The following GRIK2 variants were observed in gnomAD, a reference collection of about 807,000 sequenced individuals.
The protein encoded by GRIK2 is glutamate receptor ionotropic, kainate 2.
Under a neutral mutation model 100.3 loss-of-function variants are expected in GRIK2, and 32 were observed. That is an observed-to-expected ratio of 0.32 (90% CI 0.24 to 0.43). The LOEUF (loss-of-function observed/expected upper bound fraction) is 0.43, where lower values mean the gene tolerates loss of function less well. Among genes scored for constraint, GRIK2 ranks in the 20% least tolerant of loss-of-function variants. GRIK2 has a pLI of 1.00. For synonymous variants in GRIK2, 417 were observed against 389.4 expected (o/e 1.07, Z -0.83); for missense variants, 843 against 1,114.9 (o/e 0.76, Z 3.47).
At position 102,035,393 on chromosome 6, in the gene GRIK2, G is replaced by A; in HGVS notation, c.2138G>A (p.Arg713Lys). Residue 713 changes from arginine (R) to lysine (K), a missense_variant, in exon 15 of 17, where the codon AGG becomes AAG. This residue lies in a region of GRIK2 where 237 missense variants were observed against 388.0 expected (regional missense o/e 0.61). Coordinates refer to ENST00000369134, the MANE Select transcript of GRIK2 (RefSeq NM_021956.5). ...ATGTGGGCCTTTATGAGTAGCAGAA[G>A]GCAGTCAGTGCTGGTCAAAAGTAAT... ...DKMWAFMSSRRQSVLVKSNEE... is the reference protein window; with the variant it reads ...DKMWAFMSSRKQSVLVKSNEE... 1 of 1,609,090 alleles carries A rather than the reference G, an allele frequency of 6.2e-7. No individual in the cohort carries two copies. The highest frequency in any genetic ancestry group is 1.1e-5 in the South Asian group (1 of 90,914).
At chr6:101,513,144 T>G (rs1774404959) in intron 2 of GRIK2, among the ~76,000 whole-genome samples, 1 of 152,128 alleles carries the variant, frequency 6.6e-6, no homozygotes, top group South Asian at 2.1e-4. Context: ...TTTATACACT[T>G]CAGAGAGGCA....
intron 11 of GRIK2, among the ~76,000 whole-genome samples, chr6:101,881,073 T>A (rs576123779): frequency 9.2e-5 from 14 of 152,040 alleles, no homozygotes; most frequent in Non-Finnish European, 1.8e-4. Context: ...TAAAACTTTT[T>A]ATATATGCAT....
At chr6:102,055,214 A>G (rs1256076289) in intron 15 of GRIK2, 116 bp from the exon 16 acceptor site, 5 of 670,492 alleles carry the variant, frequency 7.5e-6, no homozygotes, top group African/African-American at 1.8e-5. Context: ...TTCTGAAAAA[A>G]CATTGGCACA....
intron 7 of GRIK2, among the ~76,000 whole-genome samples, chr6:101,766,821 G>C (rs1484040462): frequency 6.6e-6 from 1 of 152,166 alleles, no homozygotes; most frequent in Non-Finnish European, 1.5e-5. Context: ...AATGCTTGTG[G>C]AAAAGCTTTA....
chr6:101,773,404 C>T (rs1004628537), intron 7 of GRIK2, among the ~76,000 whole-genome samples: 22 of 148,486 alleles, frequency 1.5e-4, no homozygotes, highest in Non-Finnish European at 1.2e-4. Flanking sequence ...CGCTTGAACC[C>T]GGGAGGAGGA....
At chr6:101,946,489 T>C (rs778256998) in intron 14 of GRIK2, among the ~76,000 whole-genome samples, 3 of 151,474 alleles carry the variant, frequency 2.0e-5, no homozygotes, top group Non-Finnish European at 4.4e-5. Flanking sequence ...CGTATTCACC[T>C]CATTGCACTT....
chr6:101,739,710 A>G (rs116163880), intron 7 of GRIK2, among the ~76,000 whole-genome samples: 2,811 of 152,282 alleles, frequency 0.018, 81 homozygotes, highest in African/African-American at 0.063. Context: ...AGGAGCCACA[A>G]TTGTGACTGT....
chr6:101,657,872 C>A (rs115417794), intron 4 of GRIK2, among the ~76,000 whole-genome samples: 1,715 of 151,930 alleles, frequency 0.011, 30 homozygotes, highest in African/African-American at 0.039. Context: ...GGGCATCAGT[C>A]AAATCTAGGA....
chr6:101,743,083 T>C (rs1245006902), intron 7 of GRIK2, among the ~76,000 whole-genome samples: 1 of 152,152 alleles, frequency 6.6e-6, no homozygotes, highest in Non-Finnish European at 1.5e-5. Context: ...ATGGTATTTG[T>C]TAGCATGATT....
intron 14 of GRIK2, among the ~76,000 whole-genome samples, chr6:102,015,303 A>G (rs1158357781): frequency 6.6e-6 from 1 of 151,634 alleles, no homozygotes; most frequent in Non-Finnish European, 1.5e-5. Context: ...ATTTTTCTCC[A>G]TCCCTTTATT....
intron 10 of GRIK2, among the ~76,000 whole-genome samples, chr6:101,843,511 A>G (rs1005459887): frequency 6.6e-6 from 1 of 152,108 alleles, no homozygotes; most frequent in Non-Finnish European, 1.5e-5. Context: ...TTTCTATCCC[A>G]TGTGCAAAAT....
At chr6:101,963,278 A>ATTTTTTTTTTTTGTTT (rs1792422482) in intron 14 of GRIK2, among the ~76,000 whole-genome samples, 1 of 27,822 alleles carries the variant, frequency 3.6e-5, no homozygotes, top group Non-Finnish European at 7.1e-5. Context: ...CTTATTTAGG[A>ATTTTTTTTTTTTGTTT]TTTTTTTTTT....
At chr6:101,975,975 T>A (rs1793356343) in intron 14 of GRIK2, among the ~76,000 whole-genome samples, 1 of 151,876 alleles carries the variant, frequency 6.6e-6, no homozygotes, top group Non-Finnish European at 1.5e-5. Context: ...TAACATAACA[T>A]CCCTGAGAAA....
chr6:101,690,510 T>TA lies in GRIK2; in HGVS notation c.951+4159dup, dbSNP rs1562313187. Among the ~76,000 whole-genome samples the TA allele has an allele frequency of 3.9e-5, 6 of 152,290 alleles. No homozygotes were observed. In the South Asian group the frequency reaches 1.2e-3, roughly 32 times the overall value. ...TATGATCATTCCCTGGCTTTCCTAATAATCCCCTCACTGAAGTCCTACTCC... is the reference window on the plus strand; with the variant it reads ...TATGATCATTCCCTGGCTTTCCTAATAAATCCCCTCACTGAAGTCCTACTCC... On this transcript the variant is annotated intron_variant, in intron 7 of 16. Coordinates refer to ENST00000369134, the MANE Select transcript of GRIK2 (RefSeq NM_021956.5).
chr6:101,959,773 C>G (rs1439270207), intron 14 of GRIK2, among the ~76,000 whole-genome samples: 1 of 152,038 alleles, frequency 6.6e-6, no homozygotes, highest in East Asian at 1.9e-4. Context: ...ACACTTCTCT[C>G]TTGCTGCTTT....
At chr6:101,641,173 A>G (rs924305566) in intron 4 of GRIK2, among the ~76,000 whole-genome samples, 3 of 152,088 alleles carry the variant, frequency 2.0e-5, no homozygotes, top group African/African-American at 7.2e-5. Flanking sequence ...TATTACTAGA[A>G]TGTTTTATAA....
chr6:101,590,735 T>C (rs1246641696), intron 2 of GRIK2, among the ~76,000 whole-genome samples: 1 of 152,052 alleles, frequency 6.6e-6, no homozygotes, highest in Non-Finnish European at 1.5e-5. Flanking sequence ...ATTTGGCCCC[T>C]TCTTTGGGTT....
chr6:101,502,268 A>C (rs1773796157), intron 2 of GRIK2, among the ~76,000 whole-genome samples: 1 of 152,202 alleles, frequency 6.6e-6, no homozygotes. Flanking sequence ...TTGAGTCAGC[A>C]ATATCATTTC....
At position 101,809,099 on chromosome 6, in the gene GRIK2, T is replaced by A. The variant is rs1781175433; in HGVS notation, c.1203+6661T>A. On this transcript the variant is annotated intron_variant, in intron 9 of 16. Transcript: ENST00000369134. ...TTAAATTTGTCATATTTTACTTTCA[T>A]GTGAAGCTTCATTTTAACTTTTAAC... 2.0e-5 allele frequency among the ~76,000 whole-genome samples: 3 copies of A among 151,886 alleles called. No individual in the cohort carries two copies. The South Asian group carries it at 6.2e-4, about 31-fold the overall frequency.
Sources: gnomAD v4.1 joint callset for allele counts (sites outside exome capture counted in the v4.1 genomes callset) on GRCh38, gnomAD v4.1.1 for gene constraint, gnomAD v4.1.1 regional missense constraint, MANE v1.5 for transcripts, NCBI Gene and HGNC (gene_info 2026-07-23, HGNC 2026-07-21) for gene names.